The following CADM3 variants were observed in gnomAD, a reference collection of about 807,000 sequenced individuals.
CADM3 encodes the protein cell adhesion molecule 3.
CADM3 carries 11 observed loss-of-function variants against 44.9 expected under a neutral mutation model. The ratio of observed to expected loss-of-function variants is 0.25; its 90% confidence interval spans 0.15 to 0.41. CADM3 has a LOEUF of 0.41. Among genes scored for constraint, CADM3 ranks in the 10% least tolerant of loss-of-function variants. The probability of loss-of-function intolerance (pLI) is 1.00; values close to 1 mark genes in which losing one functional copy is unlikely to be tolerated. For missense variants in CADM3, 426 were observed against 512.0 expected, an observed-to-expected ratio of 0.83 and a Z score of 1.62; for synonymous variants, 207 against 205.2, an observed-to-expected ratio of 1.01 and a Z score of -0.08.
intron 1 of CADM3, among the ~76,000 whole-genome samples, chr1:159,190,662 T>G (rs1649620130): frequency 6.6e-6 from 1 of 152,146 alleles, no homozygotes; most frequent in African/African-American, 2.4e-5. Context: ...CACATCTTCA[T>G]TCCTCAGGGC....
Position 159,200,974 on chromosome 1 carries a change from G to A in CADM3, c.*52G>A, listed in dbSNP as rs1650166905. 1.4e-6 allele frequency: 2 copies of A among 1,384,984 alleles called. No homozygotes were observed. Among genetic ancestry groups the A allele is most frequent in the Non-Finnish European group, 2.0e-6 (2 of 1,014,306 alleles). 85.8% of individuals were successfully genotyped at this position (1,384,984 alleles called of 1,614,324 possible). A position where few individuals can be genotyped will look rare whatever the true frequency, so the allele number is the denominator to read the frequency against. ...CCAGGGGCCCTGTGGGGACTGCTGG[G>A]GCCGTCACCAACCCGGACTTGTACA... On this transcript the variant is annotated 3_prime_UTR_variant, in exon 9 of 9. Transcript: ENST00000368125.
chr1:159,188,088 T>C (rs192499574), intron 1 of CADM3, among the ~76,000 whole-genome samples: 159 of 151,960 alleles, frequency 1.0e-3, no homozygotes, highest in Non-Finnish European at 1.6e-3. Flanking sequence ...AAGAACAGAG[T>C]AATTCCTAAA....
In CADM3 at chr1:159,171,824, C is replaced by A. The variant is rs765681127; in HGVS notation, c.59C>A (p.Ala20Glu). Residue 20 changes from alanine to glutamate, a missense_variant, in exon 1 of 9, where the codon GCG becomes GAG. This residue lies in a region of CADM3 where 64 missense variants were observed against 37.4 expected (regional missense o/e 1.71). Transcript: ENST00000368125. ...LLLLLFACCWAPGGANLSQDD... is the reference protein window; with the variant it reads ...LLLLLFACCWEPGGANLSQDD... ...CTCCTGCTGTTCGCCTGCTGCTGGG[C>A]GCCCGGCGGGGCCAACCTCTCCCAG... 8.0e-7 allele frequency: 1 copy of A among 1,246,092 alleles called. No homozygotes were observed. 77.2% of individuals were successfully genotyped at this position (1,246,092 alleles called of 1,614,324 possible). A position where few individuals can be genotyped will look rare whatever the true frequency, so the allele number is the denominator to read the frequency against.
chr1:159,188,038 A>C (rs1181135852), intron 1 of CADM3, among the ~76,000 whole-genome samples: 1 of 150,654 alleles, frequency 6.6e-6, no homozygotes, highest in African/African-American at 2.5e-5. Flanking sequence ...TCTCCGCTTT[A>C]CTCCTTCTCA....
rs1398476354 is a variant in CADM3, at chr1:159,200,961, T to C, written c.*39T>C. ...CTTCCTGCGCCCCCCAGGGGCCCTG[T>C]GGGGACTGCTGGGGCCGTCACCAAC... is the stretch of plus-strand genomic sequence containing the variant. On this transcript the variant is annotated 3_prime_UTR_variant, in exon 9 of 9. Transcript: ENST00000368125. 1.4e-6 allele frequency: 2 copies of C among 1,444,092 alleles called. No homozygotes were observed. The highest frequency in any genetic ancestry group is 2.1e-5 in the Admixed American group (1 of 48,034). The allele number at this position is 1,444,092 out of a possible 1,614,324, so 89.5% of individuals were successfully genotyped here.
At chr1:159,182,061 C>CAG (rs1649253834) in intron 1 of CADM3, among the ~76,000 whole-genome samples, 1 of 118,810 alleles carries the variant, frequency 8.4e-6, no homozygotes, top group African/African-American at 3.9e-5. Context: ...CAGACAGACA[C>CAG]ACACACACAC....
intron 1 of CADM3, among the ~76,000 whole-genome samples, chr1:159,186,839 C>T (rs1649439071): frequency 6.6e-6 from 1 of 152,162 alleles, no homozygotes; most frequent in Admixed American, 6.5e-5. Context: ...CCACCTCTTA[C>T]ACAGTTTCTT....
At chr1:159,182,032 G>T (rs1649249291) in intron 1 of CADM3, among the ~76,000 whole-genome samples, 1 of 151,054 alleles carries the variant, frequency 6.6e-6, no homozygotes, top group African/African-American at 2.4e-5. Flanking sequence ...TCTTCACCTT[G>T]CAGATGCCAG....
intron 5 of CADM3, 125 bp downstream of exon 5, chr1:159,194,165 A>C: frequency 9.5e-7 from 1 of 1,057,678 alleles, no homozygotes; most frequent in Non-Finnish European, 1.4e-6. Flanking sequence ...AAATGAAACA[A>C]AGACTGCCAG....
At chr1:159,181,680 TCTC>T (rs1649233256) in intron 1 of CADM3, among the ~76,000 whole-genome samples, 1 of 152,144 alleles carries the variant, frequency 6.6e-6, no homozygotes, top group Admixed American at 6.5e-5. Context: ...CAACTGCAGT[TCTC>T]CTTGCTACAA....
At chr1:159,183,594 G>T (rs745786840) in intron 1 of CADM3, among the ~76,000 whole-genome samples, 1 of 152,138 alleles carries the variant, frequency 6.6e-6, no homozygotes, top group Non-Finnish European at 1.5e-5. Flanking sequence ...GAACGCATTG[G>T]AACTAAGGAA....
At chr1:159,198,043 G>A (rs1176455518) in intron 7 of CADM3, 1 of 152,262 alleles carries the variant, frequency 6.6e-6, no homozygotes, top group Admixed American at 6.5e-5. Context: ...GATGATGATT[G>A]GCAGTGAGAG....
intron 7 of CADM3, chr1:159,197,964 T>C (rs1041261440): frequency 2.0e-5 from 3 of 152,204 alleles, no homozygotes; most frequent in Non-Finnish European, 4.4e-5. Flanking sequence ...AAGGCTATTG[T>C]AGGATGCCAA....
At position 159,192,498 on chromosome 1, in the gene CADM3, A is replaced by G. The variant is rs189768245; in HGVS notation, c.230-80A>G. Reference sequence around the variant, plus strand: ...CCACCATACTAGACCCCTTCCCCCAAAGAAGCTGGCCTGGGATTGGAAGGT... The same window carrying G: ...CCACCATACTAGACCCCTTCCCCCAGAGAAGCTGGCCTGGGATTGGAAGGT... On this transcript the variant is annotated intron_variant, in intron 2 of 8. Transcript: ENST00000368125. The G allele has an allele frequency of 1.0e-5, 16 of 1,575,478 alleles. No homozygotes were observed. In the East Asian group the frequency reaches 3.4e-4, roughly 33 times the overall value.
chr1:159,171,961 G>A, intron 1 of CADM3, 108 bp downstream of exon 1: 1 of 652,560 alleles, frequency 1.5e-6, no homozygotes, highest in East Asian at 3.4e-5. Context: ...TGGAACCGGG[G>A]TTAAAGTCAC....
rs895047039 is a variant in CADM3 at position 159,171,687 on chromosome 1, A to G, written c.-79A>G. On this transcript the variant is annotated 5_prime_UTR_variant, in exon 1 of 9. Transcript: ENST00000368125. Reference sequence around the variant, plus strand: ...GGGGCGCCCTTTCGGTCAACATCGTAGTCCACCCCCTCCCCATCCCCAGCC... The same window carrying G: ...GGGGCGCCCTTTCGGTCAACATCGTGGTCCACCCCCTCCCCATCCCCAGCC... The G allele has an allele frequency of 7.0e-5, 75 of 1,071,912 alleles. 1 individual carries two copies. The Middle Eastern group carries it at 1.7e-3, about 24-fold the overall frequency. 66.4% of individuals were successfully genotyped at this position (1,071,912 alleles called of 1,614,324 possible).
At chr1:159,187,589 A>G (rs1649467834) in intron 1 of CADM3, among the ~76,000 whole-genome samples, 1 of 152,216 alleles carries the variant, frequency 6.6e-6, no homozygotes, top group Non-Finnish European at 1.5e-5. Flanking sequence ...ATACTATGGT[A>G]TGAGACGGCT....
intron 5 of CADM3, chr1:159,195,546 G>A (rs862994): frequency 0.76 from 115,977 of 152,150 alleles, 44,525 homozygotes; most frequent in East Asian, 0.93. Flanking sequence ...CAAATGCTAT[G>A]CTCCAGGCAC....
intron 7 of CADM3, 36 bp from the exon 8 acceptor site, chr1:159,199,715 C>T (rs909483260): frequency 1.2e-6 from 2 of 1,613,976 alleles, no homozygotes; most frequent in African/African-American, 2.7e-5. Flanking sequence ...AAGGGCTCTC[C>T]CCAGATCTGA....
Sources: allele counts gnomAD v4.1 joint callset (sites outside exome capture counted in the v4.1 genomes callset), GRCh38; gene constraint gnomAD v4.1.1; regional missense constraint gnomAD v4.1.1; transcripts MANE v1.5; gene names NCBI Gene and HGNC (gene_info 2026-07-23, HGNC 2026-07-21).